IGF1R: variants seen among roughly 807,000 people sequenced by gnomAD.
IGF1R encodes insulin-like growth factor 1 receptor.
IGF1R carries 44 observed loss-of-function variants against 144.6 expected under a neutral mutation model. The observed-to-expected ratio is 0.30, with a 90% CI of 0.24 to 0.39. The LOEUF (loss-of-function observed/expected upper bound fraction) is 0.39. Ranked by LOEUF, IGF1R falls within the 10% of genes least tolerant of loss-of-function variation. IGF1R has a pLI of 1.00. For missense variants in IGF1R, 1,355 were observed against 1,833.7 expected (o/e 0.74, Z 4.77); for synonymous variants, 795 against 722.8 (o/e 1.10, Z -1.60).
chr15:98,797,203 A>G (rs2056264649), intron 2 of IGF1R, among the ~76,000 whole-genome samples: 1 of 152,218 alleles, frequency 6.6e-6, no homozygotes. Flanking sequence ...CTCTTAAGGA[A>G]GTCACCTGAT....
intron 7 of IGF1R, 98 bp downstream of exon 7, chr15:98,911,539 G>C (rs971685582): frequency 2.3e-5 from 35 of 1,505,792 alleles, no homozygotes; most frequent in Admixed American, 8.4e-5. Flanking sequence ...AATACAGGGG[G>C]TCAGCAGAGT....
intron 2 of IGF1R, among the ~76,000 whole-genome samples, chr15:98,872,971 A>G (rs1387319695): frequency 6.6e-6 from 1 of 152,016 alleles, no homozygotes; most frequent in East Asian, 1.9e-4. Flanking sequence ...TAGCTTCTGG[A>G]CTGGTAGTTT....
intron 1 of IGF1R, among the ~76,000 whole-genome samples, chr15:98,649,967 A>G (rs2052309049): frequency 6.6e-6 from 1 of 151,912 alleles, no homozygotes; most frequent in Non-Finnish European, 1.5e-5. Flanking sequence ...AGGCGCGAGG[A>G]CTCGGTAGGG....
At chr15:98,819,246 C>T (rs1053692978) in intron 2 of IGF1R, among the ~76,000 whole-genome samples, 1 of 152,102 alleles carries the variant, frequency 6.6e-6, no homozygotes, top group African/African-American at 2.4e-5. Flanking sequence ...TGAAATCATC[C>T]AGGGGTTTTC....
At chr15:98,737,921 T>G (rs983289084) in intron 2 of IGF1R, among the ~76,000 whole-genome samples, 1 of 152,210 alleles carries the variant, frequency 6.6e-6, no homozygotes, top group African/African-American at 2.4e-5. Context: ...GCCTTTGATG[T>G]CTGCTCTAGG....
At chr15:98,889,340 G>A (rs1371123101) in intron 2 of IGF1R, among the ~76,000 whole-genome samples, 1 of 152,172 alleles carries the variant, frequency 6.6e-6, no homozygotes, top group African/African-American at 2.4e-5. Context: ...TATTTGCAGC[G>A]AAATAGGAAC....
intron 1 of IGF1R, among the ~76,000 whole-genome samples, chr15:98,691,529 A>G (rs942570620): frequency 1.3e-5 from 2 of 151,736 alleles, no homozygotes; most frequent in African/African-American, 4.8e-5. Flanking sequence ...ACACCCAACT[A>G]ATTTTTGTAT....
At chr15:98,915,547 A>G (rs1208410337) in intron 8 of IGF1R, among the ~76,000 whole-genome samples, 1 of 152,226 alleles carries the variant, frequency 6.6e-6, no homozygotes, top group Admixed American at 6.5e-5. Context: ...GAGATTCAAA[A>G]TCTCAGATGA....
intron 1 of IGF1R, among the ~76,000 whole-genome samples, chr15:98,655,431 G>A (rs1184231362): frequency 6.6e-6 from 1 of 151,908 alleles, no homozygotes; most frequent in Non-Finnish European, 1.5e-5. Flanking sequence ...CTTTACTTAT[G>A]TTTTATTTTC....
intron 2 of IGF1R, among the ~76,000 whole-genome samples, chr15:98,708,813 A>C (rs2053926940): frequency 6.6e-6 from 1 of 152,210 alleles, no homozygotes; most frequent in Non-Finnish European, 1.5e-5. Context: ...ATACCTGTTT[A>C]CTGAACAGTT....
At position 98,835,653 on chromosome 15, in the gene IGF1R, G is replaced by A. The variant is rs74785122; in HGVS notation, c.641-55672G>A. ...GTTGGAACCAAGTGACATTGATTTA[G>A]TCTGGAAAGGAGTCACAGAGGAATC... On this transcript the variant is annotated intron_variant, in intron 2 of 20. Transcript: ENST00000650285. Among the ~76,000 whole-genome samples, 305 of 152,346 alleles carry A rather than the reference G, an allele frequency of 2.0e-3. 5 individuals are homozygous for A. In the East Asian group the frequency reaches 0.049, roughly 25 times the overall value.
intron 20 of IGF1R, among the ~76,000 whole-genome samples, chr15:98,955,650 T>C (rs8033670): frequency 6.6e-6 from 1 of 151,966 alleles, no homozygotes; most frequent in Non-Finnish European, 1.5e-5. Flanking sequence ...AGGTTGCACC[T>C]TCTCCACCTG....
At chr15:98,805,330 G>A (rs750276361) in intron 2 of IGF1R, among the ~76,000 whole-genome samples, 13 of 151,930 alleles carry the variant, frequency 8.6e-5, no homozygotes, top group African/African-American at 2.7e-4. Flanking sequence ...GTGTTTGGCC[G>A]AAACATTTTA....
At chr15:98,729,316 TAAG>T (rs1274118038) in intron 2 of IGF1R, among the ~76,000 whole-genome samples, 2 of 152,200 alleles carry the variant, frequency 1.3e-5, no homozygotes, top group Non-Finnish European at 2.9e-5. Flanking sequence ...GTTCAATCAT[TAAG>T]AAGTTTTTGA....
chr15:98,858,289 G>T (rs546196729), intron 2 of IGF1R, among the ~76,000 whole-genome samples: 12 of 151,478 alleles, frequency 7.9e-5, no homozygotes, highest in Non-Finnish European at 1.5e-4. Flanking sequence ...GTTTCCCCCC[G>T]CTTCGTTGTT....
At chr15:98,776,572 A>T (rs187915683) in intron 2 of IGF1R, among the ~76,000 whole-genome samples, 2 of 152,312 alleles carry the variant, frequency 1.3e-5, no homozygotes, top group East Asian at 3.9e-4. Context: ...TATTTTTAAG[A>T]GCCTCTTCCC....
chr15:98,925,304 G>A (rs1262151941), intron 13 of IGF1R, among the ~76,000 whole-genome samples: 1 of 152,222 alleles, frequency 6.6e-6, no homozygotes, highest in Non-Finnish European at 1.5e-5. Context: ...TTCTTAGGCT[G>A]TTCTGTGTGA....
intron 2 of IGF1R, among the ~76,000 whole-genome samples, chr15:98,889,979 C>T (rs1282779555): frequency 6.6e-6 from 1 of 152,170 alleles, no homozygotes; most frequent in African/African-American, 2.4e-5. Context: ...AGGCTGACAG[C>T]CCACAGAGTG....
intron 2 of IGF1R, among the ~76,000 whole-genome samples, chr15:98,736,728 C>T (rs146994293): frequency 0.035 from 5,357 of 151,304 alleles, 105 homozygotes; most frequent in East Asian, 0.052. Context: ...TCTCATGCCT[C>T]GGCCTCCTGA....
Sources: gnomAD v4.1 joint callset for allele counts (sites outside exome capture counted in the v4.1 genomes callset) on GRCh38, gnomAD v4.1.1 for gene constraint, MANE v1.5 for transcripts, NCBI Gene and HGNC (gene_info 2026-07-23, HGNC 2026-07-21) for gene names.